Variants in IPO11 observed in about 807,000 individuals in gnomAD.
IPO11 encodes importin 11.
A neutral mutation model predicts 143.2 loss-of-function variants in IPO11; 66 were observed. That is an observed-to-expected ratio of 0.46 (90% CI 0.38 to 0.57). The LOEUF (loss-of-function observed/expected upper bound fraction) is 0.57. Ranked by LOEUF, IPO11 falls within the 20% of genes least tolerant of loss-of-function variation. IPO11 has a pLI of 0.00. For synonymous variants in IPO11, 385 were observed against 377.8 expected (o/e 1.02, Z -0.22); for missense variants, 1,026 against 1,141.0 (o/e 0.90, Z 1.45).
chr5:62,484,550 G>GTTT (rs1297285419), intron 11 of IPO11, among the ~76,000 whole-genome samples: 1 of 133,924 alleles, frequency 7.5e-6, no homozygotes, highest in Non-Finnish European at 1.6e-5. Context: ...TTGATGAATA[G>GTTT]TTTTTTTTTT....
intron 1 of IPO11, among the ~76,000 whole-genome samples, chr5:62,414,162 T>C (rs1281314321): frequency 1.3e-5 from 2 of 152,238 alleles, no homozygotes; most frequent in Non-Finnish European, 2.9e-5. Context: ...AACAAATATG[T>C]AAAGATTATC....
chr5:62,540,733 A>C (rs187988221), intron 24 of IPO11, among the ~76,000 whole-genome samples: 196 of 152,274 alleles, frequency 1.3e-3, no homozygotes, highest in African/African-American at 4.7e-3. Flanking sequence ...TACTTCCTAG[A>C]GTTGATGTGA....
intron 4 of IPO11, 70 bp downstream of exon 4, chr5:62,450,069 G>T: frequency 1.0e-6 from 1 of 961,002 alleles, no homozygotes; most frequent in Non-Finnish European, 1.6e-6. Flanking sequence ...TTATATTCTG[G>T]CATTAAAATG....
In IPO11 at chr5:62,627,256, C is replaced by T; in HGVS notation, c.2866C>T (p.Leu956Phe). ...EMLGEQGFQS[L>F]METVDTEIVT... is the part of the protein sequence containing the mutation. ...GCTAGGAGAACAAGGTTTCCAGTCCCTCATGGAAACAGTGGATACGGAGAT... is the reference window on the plus strand; with the variant it reads ...GCTAGGAGAACAAGGTTTCCAGTCCTTCATGGAAACAGTGGATACGGAGAT... Residue 956 changes from leucine to phenylalanine, a missense_variant, in exon 30 of 30, where the codon CTC (leucine) becomes TTC (phenylalanine). This residue lies in a region of IPO11 where 351 missense variants were observed against 358.9 expected (regional missense o/e 0.98). Transcript: ENST00000325324. 2.5e-6 allele frequency: 4 copies of T among 1,614,072 alleles called. No homozygotes were observed. The highest frequency in any genetic ancestry group is 1.3e-5 in the African/African-American group (1 of 75,022).
chr5:62,549,475 G>A (rs1045290209), intron 24 of IPO11, among the ~76,000 whole-genome samples: 2 of 152,114 alleles, frequency 1.3e-5, no homozygotes, highest in Admixed American at 6.6e-5. Flanking sequence ...GACTGTAAAT[G>A]GTTCTCTTCA....
chr5:62,468,231 G>C (rs1470106472), intron 6 of IPO11, among the ~76,000 whole-genome samples: 4 of 152,222 alleles, frequency 2.6e-5, no homozygotes, highest in African/African-American at 9.6e-5. Context: ...GTTTTTCTTA[G>C]TTTGATCTCA....
At chr5:62,536,646 T>C in intron 22 of IPO11, 56 bp from the exon 23 acceptor site, 2 of 1,544,230 alleles carry the variant, frequency 1.3e-6, no homozygotes, top group South Asian at 2.5e-5. Flanking sequence ...TCATTTAAAC[T>C]AATTTTGAGC....
intron 1 of IPO11, among the ~76,000 whole-genome samples, chr5:62,417,216 A>G (rs1369574475): frequency 6.7e-6 from 1 of 149,066 alleles, no homozygotes. Flanking sequence ...CTTCAATCTC[A>G]TGAGTAGCTG....
chr5:62,533,197 ATTCT>A (rs999741941), intron 22 of IPO11, among the ~76,000 whole-genome samples: 2 of 144,532 alleles, frequency 1.4e-5, no homozygotes, highest in Non-Finnish European at 1.5e-5. Context: ...TTGCATGTAT[ATTCT>A]TTCTTTCTTT....
At chr5:62,559,693 G>A (rs918929253) in intron 26 of IPO11, among the ~76,000 whole-genome samples, 1 of 151,796 alleles carries the variant, frequency 6.6e-6, no homozygotes, top group African/African-American at 2.4e-5. Context: ...GAGGCGGGTG[G>A]ATCACCTTAG....
rs541655279 is a variant in IPO11, at chr5:62,564,149, A to AAC, written c.2582+2894_2582+2895dup. ...AATATCCTTAATAGACTAGTGATGA[A>AAC]ACATTGATATAGAAAATCTGTATCA... On this transcript the variant is annotated intron_variant, in intron 27 of 29. Coordinates refer to ENST00000325324, the MANE Select transcript of IPO11 (RefSeq NM_016338.5). Among the ~76,000 whole-genome samples, 278 of 152,284 alleles carry AAC rather than the reference A, an allele frequency of 1.8e-3. 1 individual carries two copies. Among genetic ancestry groups the AAC allele is most frequent in the Non-Finnish European group, 3.4e-3 (230 of 68,022 alleles).
chr5:62,468,080 T>G (rs1745630681), intron 6 of IPO11, among the ~76,000 whole-genome samples: 2 of 152,126 alleles, frequency 1.3e-5, no homozygotes, highest in Admixed American at 1.3e-4. Context: ...CCTGAGTAAC[T>G]GGGACTACAG....
At chr5:62,604,688 T>C (rs1038022178) in intron 29 of IPO11, among the ~76,000 whole-genome samples, 13 of 152,198 alleles carry the variant, frequency 8.5e-5, no homozygotes, top group African/African-American at 3.1e-4. Context: ...TTTAAGTTAC[T>C]TACTACAGTA....
chr5:62,601,784 T>C lies in IPO11; in HGVS notation c.2699T>C (p.Leu900Pro). The change falls in exon 29 of 30, where the codon CTT becomes CCT. Residue 900 changes from leucine to proline, a missense_variant. By Grantham distance (98) the Leu-to-Pro change is moderately conservative. Transcript: ENST00000325324. The stretch of plus-strand genomic sequence containing the variant: ...TATAGCTGTATGTTGATGTCTCATC[T>C]TGAGGAACCAAAAGTAACAGAAGAT... ...TYKDCMLMSH[L>P]EEPKVTEDEE... is the part of the protein sequence containing the mutation. 1 of 1,590,336 alleles carries C rather than the reference T, an allele frequency of 6.3e-7. No homozygotes were observed. The highest frequency in any genetic ancestry group is 8.6e-7 in the Non-Finnish European group (1 of 1,167,772).
At chr5:62,479,450 A>C (rs570874063) in intron 9 of IPO11, among the ~76,000 whole-genome samples, 16 of 152,234 alleles carry the variant, frequency 1.1e-4, no homozygotes, top group African/African-American at 2.6e-4. Flanking sequence ...TGGGTATATA[A>C]CCAGTAATGG....
chr5:62,426,498 C>G (rs1446772198), intron 1 of IPO11, among the ~76,000 whole-genome samples: 1 of 152,152 alleles, frequency 6.6e-6, no homozygotes, highest in African/African-American at 2.4e-5. Flanking sequence ...ACTACATTAC[C>G]TACTTGATAT....
At chr5:62,593,555 A>G (rs1441337194) in intron 28 of IPO11, among the ~76,000 whole-genome samples, 1 of 152,206 alleles carries the variant, frequency 6.6e-6, no homozygotes, top group East Asian at 1.9e-4. Flanking sequence ...AAGATGAGTC[A>G]AGGTCTCCAT....
intron 21 of IPO11, among the ~76,000 whole-genome samples, chr5:62,527,407 G>A (rs1334946042): frequency 1.3e-5 from 2 of 152,096 alleles, no homozygotes; most frequent in Non-Finnish European, 2.9e-5. Context: ...ATGGCTGTGC[G>A]CCAATTAAAC....
chr5:62,567,653 C>A (rs1744001733), intron 27 of IPO11, among the ~76,000 whole-genome samples: 1 of 150,204 alleles, frequency 6.7e-6, no homozygotes, highest in South Asian at 2.1e-4. Context: ...ACCTCCGCCG[C>A]CTGGGTTCAA....
Sources: allele counts gnomAD v4.1 joint callset (sites outside exome capture counted in the v4.1 genomes callset), GRCh38; gene constraint gnomAD v4.1.1; regional missense constraint gnomAD v4.1.1; transcripts MANE v1.5; gene names NCBI Gene and HGNC (gene_info 2026-07-23, HGNC 2026-07-21).